Variants in CFAP96 observed in about 807,000 individuals in gnomAD.
CFAP96 encodes the protein cilia and flagella associated protein 96, also known as cilia-and flagella-associated protein 96.
At chr4:185,436,227 T>G in the CFAP96 span, 3 of 1,543,002 alleles carry the variant, frequency 1.9e-6, no homozygotes, top group Non-Finnish European at 2.6e-6. Context: ...GTTTTGAAAT[T>G]TAAAAAAATT....
At chr4:185,416,471 T>A in the CFAP96 span, among the ~76,000 whole-genome samples, 2 of 152,218 alleles carry the variant, frequency 1.3e-5, no homozygotes, top group Non-Finnish European at 2.9e-5. Context: ...ATTGTGAAAT[T>A]TACACTAAAC....
chr4:185,432,183 G>A, the CFAP96 span: 1,430 of 1,551,372 alleles, frequency 9.2e-4, 3 homozygotes, highest in Admixed American at 1.7e-3. Flanking sequence ...TTCCTCCCTA[G>A]TAATGGAGAG....
At chr4:185,432,160 T>C in the CFAP96 span, 1 of 1,551,722 alleles carries the variant, frequency 6.4e-7, no homozygotes, top group South Asian at 1.2e-5. Context: ...CCAAAAAAAA[T>C]CTAGGCAAAG....
chr4:185,438,411 T>G, the CFAP96 span, among the ~76,000 whole-genome samples: 51 of 152,312 alleles, frequency 3.3e-4, no homozygotes, highest in African/African-American at 1.2e-3. Flanking sequence ...TACATTGTGG[T>G]TTTGCTCTCT....
chr4:185,418,660 T>C, the CFAP96 span: 1 of 1,614,030 alleles, frequency 6.2e-7, no homozygotes, highest in Non-Finnish European at 8.5e-7. Context: ...ATGTCACTGC[T>C]AGGCCATATA....
the CFAP96 span, among the ~76,000 whole-genome samples, chr4:185,417,027 A>G: frequency 6.6e-6 from 1 of 152,240 alleles, no homozygotes; most frequent in Admixed American, 6.5e-5. Context: ...CCCACAAGAT[A>G]CTAATTATAA....
At chr4:185,412,948 G>A in the CFAP96 span, among the ~76,000 whole-genome samples, 3 of 152,102 alleles carry the variant, frequency 2.0e-5, no homozygotes, top group Non-Finnish European at 2.9e-5. Context: ...TACCTTTAGG[G>A]AGGATCTATC....
At chr4:185,432,283 T>G in the CFAP96 span, 6 of 1,053,252 alleles carry the variant, frequency 5.7e-6, no homozygotes, top group South Asian at 1.7e-5. Flanking sequence ...CTGTAGGACT[T>G]ACTTATGTAA....
chr4:185,443,506 G>A, the CFAP96 span, among the ~76,000 whole-genome samples: 2 of 150,708 alleles, frequency 1.3e-5, no homozygotes, highest in East Asian at 2.0e-4. Flanking sequence ...GTGCCACCAC[G>A]CCTGGCTAAT....
At chr4:185,423,807 C>CAT in the CFAP96 span, among the ~76,000 whole-genome samples, 2 of 151,786 alleles carry the variant, frequency 1.3e-5, no homozygotes, top group African/African-American at 2.4e-5. Flanking sequence ...TATATACATA[C>CAT]ATATATACAC....
the CFAP96 span, among the ~76,000 whole-genome samples, chr4:185,412,454 A>G: frequency 1.3e-5 from 2 of 151,998 alleles, no homozygotes. Flanking sequence ...AATTCTTAAG[A>G]TTTCCTCAAA....
the CFAP96 span, chr4:185,425,978 C>T: frequency 1.0e-5 from 13 of 1,265,634 alleles, no homozygotes; most frequent in South Asian, 1.4e-4. Context: ...GGCGGACCAA[C>T]TACAACTCCC....
chr4:185,438,410 G>A, the CFAP96 span, among the ~76,000 whole-genome samples: 5 of 152,012 alleles, frequency 3.3e-5, no homozygotes, highest in Non-Finnish European at 5.9e-5. Flanking sequence ...ATACATTGTG[G>A]TTTTGCTCTC....
chr4:185,438,483 A>G, the CFAP96 span, among the ~76,000 whole-genome samples: 1 of 152,170 alleles, frequency 6.6e-6, no homozygotes, highest in African/African-American at 2.4e-5. Flanking sequence ...CATTCAGGAT[A>G]TAGTTACTGT....
chr4:185,426,879 CAAAAAAAAAAAAAAAAAAA>C, the CFAP96 span, among the ~76,000 whole-genome samples: 61 of 69,042 alleles, frequency 8.8e-4, 1 homozygote, highest in African/African-American at 2.1e-3. Flanking sequence ...CTAAAAATAC[CAAAAAAAAAAAAAAAAAAA>C]AAAAAAAAAA....
chr4:185,414,428 T>C, the CFAP96 span, among the ~76,000 whole-genome samples: 137,096 of 152,202 alleles, frequency 0.9, 61,867 homozygotes, highest in East Asian at 0.99. Context: ...GTAATAGGTA[T>C]TTTAAAAAGT....
the CFAP96 span, among the ~76,000 whole-genome samples, chr4:185,447,551 G>T: frequency 6.6e-6 from 1 of 152,152 alleles, no homozygotes; most frequent in East Asian, 1.9e-4. Flanking sequence ...TTTGTCAAGT[G>T]AAGTTTTTTC....
chr4:185,411,465 T>G, the CFAP96 span, among the ~76,000 whole-genome samples: 1 of 152,042 alleles, frequency 6.6e-6, no homozygotes, highest in African/African-American at 2.4e-5. Context: ...GAGAAGAAAA[T>G]TATAAGCCAG....
the CFAP96 span, among the ~76,000 whole-genome samples, chr4:185,433,925 A>G: frequency 6.7e-6 from 1 of 149,762 alleles, no homozygotes; most frequent in African/African-American, 2.5e-5. Flanking sequence ...ACAAAAAAAG[A>G]CTGAGGATTT....
Sources: allele counts gnomAD v4.1 joint callset (sites outside exome capture counted in the v4.1 genomes callset), GRCh38; gene constraint gnomAD v4.1.1; transcripts MANE v1.5; gene names NCBI Gene and HGNC (gene_info 2026-07-23, HGNC 2026-07-21).